GPC4: variants seen among roughly 807,000 people sequenced by gnomAD.
GPC4 encodes glypican 4.
Under a neutral mutation model 35.0 loss-of-function variants are expected in GPC4, and 10 were observed. The observed-to-expected ratio is 0.29, with a 90% CI of 0.18 to 0.48. The LOEUF is 0.48. Among genes scored for constraint, GPC4 ranks in the 20% least tolerant of loss-of-function variants. The pLI, the probability that GPC4 is intolerant of heterozygous loss-of-function variation, is 0.99. For missense variants in GPC4, 322 were observed against 451.3 expected (o/e 0.71, Z 2.60); for synonymous variants, 167 against 170.2 (o/e 0.98, Z 0.15).
At chrX:133,412,287 T>G (rs1722705620) in intron 1 of GPC4, among the ~76,000 whole-genome samples, 1 of 112,104 alleles carries the variant, frequency 8.9e-6, no homozygotes, top group African/African-American at 3.2e-5. Context: ...GCCAGGGTGA[T>G]GGTAAAGATT....
intron 1 of GPC4, among the ~76,000 whole-genome samples, chrX:133,404,872 G>T (rs1357331425): frequency 7.2e-5 from 5 of 69,326 alleles, no homozygotes. Context: ...AAAAAAAGGT[G>T]CAGAGGAACA....
At chrX:133,390,352 T>C (rs1454832507) in intron 1 of GPC4, among the ~76,000 whole-genome samples, 1 of 111,892 alleles carries the variant, frequency 8.9e-6, no homozygotes, top group African/African-American at 3.3e-5. Flanking sequence ...AGTAACACAT[T>C]ACCTATCTGG....
chrX:133,338,878 T>C, intron 2 of GPC4, among the ~76,000 whole-genome samples: 1 of 111,805 alleles, frequency 8.9e-6, no homozygotes, highest in South Asian at 3.8e-4. Flanking sequence ...AGGTCTTTTT[T>C]TTTTTAAAGG....
At chrX:133,354,414 C>G (rs1459157384) in intron 1 of GPC4, among the ~76,000 whole-genome samples, 1 of 111,654 alleles carries the variant, frequency 9.0e-6, no homozygotes, top group Non-Finnish European at 1.9e-5. Flanking sequence ...CTGTGCTTAT[C>G]GGTTTGAAAT....
intron 7 of GPC4, 129 bp downstream of exon 7, chrX:133,304,596 T>C: frequency 2.6e-6 from 2 of 755,024 alleles, no homozygotes. Flanking sequence ...CCTAGAAGCC[T>C]TCCATGTTGT....
At chrX:133,321,596 T>C (rs931554123) in intron 3 of GPC4, among the ~76,000 whole-genome samples, 1 of 112,459 alleles carries the variant, frequency 8.9e-6, no homozygotes, top group Admixed American at 9.4e-5. Flanking sequence ...CAGCAGTGTC[T>C]TTCTGCCCTT....
chrX:133,363,256 G>C (rs950093224), intron 1 of GPC4, among the ~76,000 whole-genome samples: 1 of 110,912 alleles, frequency 9.0e-6, no homozygotes, highest in East Asian at 2.8e-4. Flanking sequence ...GGCTGGTCTA[G>C]AATTCCTGGG....
intron 1 of GPC4, among the ~76,000 whole-genome samples, chrX:133,382,847 G>A (rs1258421888): frequency 8.9e-6 from 1 of 112,885 alleles, no homozygotes; most frequent in Non-Finnish European, 1.9e-5. Flanking sequence ...AACATCATAT[G>A]TCATTAGGGA....
chrX:133,398,802 TCA>T (rs893116001), intron 1 of GPC4, among the ~76,000 whole-genome samples: 2 of 110,004 alleles, frequency 1.8e-5, no homozygotes, highest in African/African-American at 6.6e-5. Flanking sequence ...GGGACCTATC[TCA>T]CAGTGTTCAT....
intron 3 of GPC4, among the ~76,000 whole-genome samples, chrX:133,323,087 G>A (rs766584402): frequency 9.0e-6 from 1 of 111,389 alleles, no homozygotes; most frequent in Admixed American, 9.6e-5. Flanking sequence ...TGGTGGAACT[G>A]GGAGATAAAG....
intron 1 of GPC4, among the ~76,000 whole-genome samples, chrX:133,348,609 T>A (rs941575460): frequency 8.9e-6 from 1 of 112,302 alleles, no homozygotes; most frequent in Non-Finnish European, 1.9e-5. Flanking sequence ...CTTGGTAGCA[T>A]CGTTTGAGAA....
chrX:133,344,190 G>GTTTTTTTTTT (rs2068479779), intron 1 of GPC4, among the ~76,000 whole-genome samples: 1 of 39,353 alleles, frequency 2.5e-5, no homozygotes, highest in South Asian at 1.0e-3. Context: ...CTTTCTTTCT[G>GTTTTTTTTTT]GTTTTTTTTT....
At chrX:133,314,036 A>G (rs1327436418) in intron 3 of GPC4, among the ~76,000 whole-genome samples, 1 of 112,170 alleles carries the variant, frequency 8.9e-6, no homozygotes, top group Non-Finnish European at 1.9e-5. Context: ...GAAACGTAGA[A>G]AGCTAAGGGG....
intron 2 of GPC4, among the ~76,000 whole-genome samples, chrX:133,331,546 C>A (rs955178214): frequency 9.0e-6 from 1 of 111,337 alleles, no homozygotes; most frequent in African/African-American, 3.3e-5. Context: ...CCAAGGTGGG[C>A]AGATCACCTG....
rs771753995 is a variant in GPC4 at position 133,311,359 on chromosome X, C to T, written c.776G>A (p.Gly259Asp). 2 of 1,210,677 alleles carry T rather than the reference C, an allele frequency of 1.7e-6. No individual in the cohort carries two copies. Among genetic ancestry groups the T allele is most frequent in the Non-Finnish European group, 2.2e-6 (2 of 894,483 alleles). Residue 259 changes from glycine (G) to aspartate (D), a missense_variant, in exon 4 of 9, where the codon GGT becomes GAT. Transcript: ENST00000370828. Reference sequence around the variant, plus strand: ...GTAACATGGCTTCACAGTCACGAGACCCCGGCAGTGGGAGCAGTAGATCAT... The same window carrying T: ...GTAACATGGCTTCACAGTCACGAGATCCCGGCAGTGGGAGCAGTAGATCAT... ...LKMIYCSHCR[G>D]LVTVKPCYNY...
chrX:133,325,273 TGA>T (rs1400349279), intron 2 of GPC4, among the ~76,000 whole-genome samples: 5 of 109,734 alleles, frequency 4.6e-5, no homozygotes, highest in African/African-American at 1.7e-4. Context: ...AGTGTGTGTG[TGA>T]GTGTGTGTGT....
chrX:133,337,065 C>T lies in GPC4; in HGVS notation c.319+2118G>A, dbSNP rs189730793. Among the ~76,000 whole-genome samples, 65 of 111,675 alleles carry T rather than the reference C, an allele frequency of 5.8e-4. No homozygotes were observed. The South Asian group carries it at 0.013, about 22-fold the overall frequency. ...AACTCCTGGGCTCAAGCAATCTGCC[C>T]GCCGTGGCCTCCCAAAGTGCTGGGA... On this transcript the variant is annotated intron_variant, in intron 2 of 8. Coordinates refer to ENST00000370828, the MANE Select transcript of GPC4 (RefSeq NM_001448.3).
chrX:133,338,248 C>G (rs1038761878), intron 2 of GPC4, among the ~76,000 whole-genome samples: 1 of 111,571 alleles, frequency 9.0e-6, no homozygotes, highest in African/African-American at 3.3e-5. Context: ...CATTTCATAT[C>G]TAGAAAATTT....
chrX:133,350,778 G>A, intron 1 of GPC4, among the ~76,000 whole-genome samples: 1 of 111,951 alleles, frequency 8.9e-6, no homozygotes, highest in East Asian at 2.8e-4. Context: ...ATAAGTCCCA[G>A]TTCCTATGGA....
Sources: gnomAD v4.1 joint callset for allele counts (sites outside exome capture counted in the v4.1 genomes callset) on GRCh38, gnomAD v4.1.1 for gene constraint, MANE v1.5 for transcripts, NCBI Gene and HGNC (gene_info 2026-07-23, HGNC 2026-07-21) for gene names.